The following PRKCZ variants were observed in gnomAD, a reference collection of about 807,000 sequenced individuals.
PRKCZ encodes protein kinase C zeta.
In PRKCZ, 33 loss-of-function variants were observed where a neutral mutation model predicts 79.5. The ratio of observed to expected loss-of-function variants is 0.41; its 90% confidence interval spans 0.31 to 0.55. The LOEUF (loss-of-function observed/expected upper bound fraction) is 0.55. Among genes scored for constraint, PRKCZ ranks in the 20% least tolerant of loss-of-function variants. The pLI, the probability that PRKCZ is intolerant of heterozygous loss-of-function variation, is 0.19. For synonymous variants in PRKCZ, 342 were observed against 320.9 expected (o/e 1.07, Z -0.70); for missense variants, 578 against 813.5 (o/e 0.71, Z 3.52).
At chr1:2,085,480 C>T (rs530379618) in intron 4 of PRKCZ, among the ~76,000 whole-genome samples, 3 of 152,378 alleles carry the variant, frequency 2.0e-5, no homozygotes, top group Admixed American at 6.5e-5. Context: ...TTGCTGCGCA[C>T]GGTGCTTTTT....
At position 2,185,055 on chromosome 1, in the gene PRKCZ, C is replaced by T. The variant is rs1442804528; in HGVS notation, c.*46C>T. Reference sequence around the variant, plus strand: ...TGGACACGCGTGATTGACCCTTTAACTGTATCCTTAACCACCGCATATGCA... The same window carrying T: ...TGGACACGCGTGATTGACCCTTTAATTGTATCCTTAACCACCGCATATGCA... On this transcript the variant is annotated 3_prime_UTR_variant, in exon 18 of 18. Coordinates refer to ENST00000378567, the MANE Select transcript of PRKCZ (RefSeq NM_002744.6). 1 of 1,533,494 alleles carries T rather than the reference C, an allele frequency of 6.5e-7. No individual in the cohort carries two copies. Among genetic ancestry groups the T allele is most frequent in the Admixed American group, 1.9e-5 (1 of 53,784 alleles). 95.0% of individuals were successfully genotyped at this position (1,533,494 alleles called of 1,614,324 possible). A position where few individuals can be genotyped will look rare whatever the true frequency, so the allele number is the denominator to read the frequency against.
Position 2,149,210 on chromosome 1 carries a change from T to C in PRKCZ, c.687+286T>C, listed in dbSNP as rs1679341090. Among the ~76,000 whole-genome samples the C allele has an allele frequency of 6.6e-6, 1 of 152,236 alleles. No individual in the cohort carries two copies. On this transcript the variant is annotated intron_variant, in intron 8 of 17. Coordinates refer to ENST00000378567, the MANE Select transcript of PRKCZ (RefSeq NM_002744.6). The surrounding 1 kb of genome is among the most constrained non-coding windows in gnomAD (Gnocchi z 4.1). ...CATCCTCTCCATTCAGGTGGTACAG[T>C]GGCCCAGGGGCTGGCTTTTGAGCTG...
chr1:2,138,638 T>TA (rs140039460), intron 5 of PRKCZ, among the ~76,000 whole-genome samples: 8,272 of 151,402 alleles, frequency 0.055, 688 homozygotes, highest in African/African-American at 0.19. Context: ...GGATTGAGGT[T>TA]AAAAAAAAAT....
Position 2,056,450 on chromosome 1 carries a change from C to T in PRKCZ, c.194-34C>T, listed in dbSNP as rs70937051. 2,799 of 1,591,774 alleles carry T rather than the reference C, an allele frequency of 1.8e-3. 36 individuals carry two copies. In the East Asian group the frequency reaches 0.028, roughly 16 times the overall value. ...CACAGCCCCCTTTGCCTCGGGCCTT[C>T]GGCGACGTCAGCACCGTCTCCTGCC... is the stretch of plus-strand genomic sequence containing the variant. On this transcript the variant is annotated intron_variant, in intron 2 of 17. Coordinates refer to ENST00000378567, the MANE Select transcript of PRKCZ (RefSeq NM_002744.6).
At chr1:2,074,426 T>TTGTGGGTCTGTGGGTC (rs3067307) in intron 4 of PRKCZ, among the ~76,000 whole-genome samples, 1 of 151,886 alleles carries the variant, frequency 6.6e-6, no homozygotes, top group African/African-American at 2.4e-5. Flanking sequence ...TGCTTTTTGG[T>TTGTGGGTCTGTGGGTC]TGTGGGTCTG....
chr1:2,131,653 C>T (rs562721738), intron 4 of PRKCZ, among the ~76,000 whole-genome samples: 1 of 152,178 alleles, frequency 6.6e-6, no homozygotes, highest in African/African-American at 2.4e-5. Flanking sequence ...GACACTGCCC[C>T]CGGCAGCCAG....
chr1:2,087,182 A>G (rs1490858974), intron 4 of PRKCZ, among the ~76,000 whole-genome samples: 1 of 152,026 alleles, frequency 6.6e-6, no homozygotes, highest in East Asian at 1.9e-4. Flanking sequence ...TCCCGGGTTC[A>G]ATTGATTCTC....
Position 2,127,123 on chromosome 1 carries a change from G to A in PRKCZ, c.335-8139G>A, listed in dbSNP as rs1003950283. On this transcript the variant is annotated intron_variant, in intron 4 of 17. Coordinates refer to ENST00000378567, the MANE Select transcript of PRKCZ (RefSeq NM_002744.6). This position sits in a 1 kb window ranked among gnomAD's most constrained non-coding sequence, Gnocchi z 5.1. ...AGCTGTGGGGAAGGGGGAGGTTGTT[G>A]CCTCAGTGGGAGCCTGGGCTGTGGC... 5.3e-5 allele frequency among the ~76,000 whole-genome samples: 8 copies of A among 152,222 alleles called. No homozygotes were observed. Among genetic ancestry groups the A allele is most frequent in the Admixed American group, 5.2e-4 (8 of 15,286 alleles).
chr1:2,163,898 C>CA (rs1389307253), intron 10 of PRKCZ, among the ~76,000 whole-genome samples: 1 of 148,874 alleles, frequency 6.7e-6, no homozygotes, highest in Non-Finnish European at 1.5e-5. Context: ...GACTCCATCT[C>CA]AAAAAAAAGA....
intron 10 of PRKCZ, among the ~76,000 whole-genome samples, chr1:2,157,771 C>G (rs1387814305): frequency 6.8e-6 from 1 of 147,590 alleles, no homozygotes; most frequent in African/African-American, 2.5e-5. Flanking sequence ...CCAGGCTGGT[C>G]TCAAACTCCT....
At chr1:2,167,730 G>C (rs916181816) in intron 10 of PRKCZ, among the ~76,000 whole-genome samples, 1 of 152,056 alleles carries the variant, frequency 6.6e-6, no homozygotes, top group African/African-American at 2.4e-5. Context: ...TCAGCCTCCC[G>C]AGTAGCTGAG....
rs1376825197 is a variant in PRKCZ at position 2,082,086 on chromosome 1, G to A, written c.334+22495G>A. On this transcript the variant is annotated intron_variant, in intron 4 of 17. Transcript: ENST00000378567. The surrounding 1 kb of genome is among the most constrained non-coding windows in gnomAD (Gnocchi z 4.4). ...TCGACTCCGAATAGGACACCACACA[G>A]TCGTGCCAAGAAGGCGCCTAAGTGT... Among the ~76,000 whole-genome samples the A allele has an allele frequency of 6.6e-6, 1 of 152,278 alleles. No homozygotes were observed. Among genetic ancestry groups the A allele is most frequent in the Non-Finnish European group, 1.5e-5 (1 of 68,048 alleles).
intron 7 of PRKCZ, 91 bp downstream of exon 7, chr1:2,146,199 C>T: frequency 7.8e-7 from 1 of 1,285,226 alleles, no homozygotes; most frequent in South Asian, 1.2e-5. Context: ...TTTCTCAGTC[C>T]CATCTGCTCT....
At chr1:2,110,258 C>T (rs1669455409) in intron 4 of PRKCZ, among the ~76,000 whole-genome samples, 1 of 151,962 alleles carries the variant, frequency 6.6e-6, no homozygotes, top group Non-Finnish European at 1.5e-5. Context: ...CAATGGGTCC[C>T]AACCAAGAGG....
At chr1:2,057,929 G>A (rs576753276) in intron 3 of PRKCZ, among the ~76,000 whole-genome samples, 14 of 151,278 alleles carry the variant, frequency 9.3e-5, no homozygotes, top group Non-Finnish European at 1.3e-4. Context: ...GTGCAGTGAC[G>A]CGATCTCAGC....
At chr1:2,097,562 C>T (rs553468947) in intron 4 of PRKCZ, among the ~76,000 whole-genome samples, 5 of 152,264 alleles carry the variant, frequency 3.3e-5, no homozygotes, top group African/African-American at 7.2e-5. Flanking sequence ...CCTGGAGCCC[C>T]GTGTTGTGTG....
At chr1:2,056,914 G>A (rs1660222501) in intron 3 of PRKCZ, among the ~76,000 whole-genome samples, 1 of 151,952 alleles carries the variant, frequency 6.6e-6, no homozygotes, top group African/African-American at 2.4e-5. Flanking sequence ...ATTTTTTGTA[G>A]AGACGGGGTT....
chr1:2,097,494 C>T (rs1048459956), intron 4 of PRKCZ, among the ~76,000 whole-genome samples: 3 of 152,206 alleles, frequency 2.0e-5, no homozygotes, highest in Non-Finnish European at 2.9e-5. Flanking sequence ...CCTTACCTGC[C>T]CTTGGACCCG....
chr1:2,144,413 AG>A, intron 6 of PRKCZ, 72 bp downstream of exon 6: 1 of 1,529,116 alleles, frequency 6.5e-7, no homozygotes, highest in Non-Finnish European at 8.8e-7. Flanking sequence ...CCATTGTCCA[AG>A]CAGACCTTGG....
Sources: gnomAD v4.1 joint callset for allele counts (sites outside exome capture counted in the v4.1 genomes callset) on GRCh38, gnomAD v4.1.1 for gene constraint, Gnocchi (gnomAD v3.1) non-coding constraint, MANE v1.5 for transcripts, NCBI Gene and HGNC (gene_info 2026-07-23, HGNC 2026-07-21) for gene names.